The following TMEM117 variants were observed in gnomAD, a reference collection of about 807,000 sequenced individuals.
TMEM117 encodes transmembrane protein 117.
TMEM117 carries 27 observed loss-of-function variants against 52.4 expected under a neutral mutation model. That is an observed-to-expected ratio of 0.51 (90% confidence interval 0.38 to 0.71). The LOEUF (loss-of-function observed/expected upper bound fraction) is 0.71, where lower values mean the gene tolerates loss of function less well. TMEM117 is among the 30% of genes least tolerant of loss of function. TMEM117 has a pLI of 0.00. For synonymous variants in TMEM117, 215 were observed against 206.3 expected (o/e 1.04, Z -0.36); for missense variants, 556 against 630.5 (o/e 0.88, Z 1.26).
chr12:44,378,728 A>G (rs1592729895), intron 7 of TMEM117, among the ~76,000 whole-genome samples: 2 of 152,302 alleles, frequency 1.3e-5, no homozygotes, highest in African/African-American at 2.4e-5. Flanking sequence ...CTGATGGCCA[A>G]GTCATCAGGG....
At chr12:44,143,733 T>A (rs573366122) in intron 4 of TMEM117, 109 bp downstream of exon 4, 1 of 702,348 alleles carries the variant, frequency 1.4e-6, no homozygotes, top group South Asian at 2.0e-5. Flanking sequence ...TACCTCTCTT[T>A]GAGTGAAACA....
At chr12:43,805,458 T>G in the TMEM117 span, 4 of 441,648 alleles carry the variant, frequency 9.1e-6, no homozygotes, top group African/African-American at 2.0e-5. Flanking sequence ...GAGTTTACAC[T>G]AGAACTCGTT....
chr12:43,867,799 T>G (rs1330832237), intron 2 of TMEM117, among the ~76,000 whole-genome samples: 1 of 152,112 alleles, frequency 6.6e-6, no homozygotes, highest in Non-Finnish European at 1.5e-5. Flanking sequence ...ATACTAAAAC[T>G]AACAGAGCAA....
At chr12:44,164,083 G>A (rs1185974552) in intron 4 of TMEM117, among the ~76,000 whole-genome samples, 1 of 152,014 alleles carries the variant, frequency 6.6e-6, no homozygotes, top group Non-Finnish European at 1.5e-5. Flanking sequence ...CATCCCCAGT[G>A]GTCTTGGAAT....
In TMEM117 at chr12:43,880,703, T is replaced by TAA. The variant is rs566399315; in HGVS notation, c.277+35776_277+35777insAA. 9.9e-4 allele frequency among the ~76,000 whole-genome samples: 151 copies of TAA among 152,330 alleles called. 3 individuals are homozygous for TAA. The highest frequency in any genetic ancestry group is 3.4e-3 in the African/African-American group (141 of 41,564). On this transcript the variant is annotated intron_variant, in intron 2 of 7. Coordinates refer to ENST00000266534, the MANE Select transcript of TMEM117 (RefSeq NM_032256.3). Reference sequence around the variant, plus strand: ...GTGGTGTGACCTCTTGCTGCTGCAGTATTTCAAAGTGATTGTATTTCACTG... The same window carrying TAA: ...GTGGTGTGACCTCTTGCTGCTGCAGTAAATTTCAAAGTGATTGTATTTCACTG...
intron 5 of TMEM117, among the ~76,000 whole-genome samples, chr12:44,270,162 A>G (rs927776961): frequency 2.8e-4 from 42 of 152,260 alleles, no homozygotes; most frequent in African/African-American, 9.1e-4. Context: ...TGTTGGAGTC[A>G]TAGAGATTAG....
intron 2 of TMEM117, among the ~76,000 whole-genome samples, chr12:43,924,792 C>A (rs1592367825): frequency 6.6e-6 from 1 of 152,114 alleles, no homozygotes; most frequent in African/African-American, 2.4e-5. Flanking sequence ...CAAACACATC[C>A]AAAACTCAGT....
intron 5 of TMEM117, among the ~76,000 whole-genome samples, chr12:44,289,809 A>G (rs1950683010): frequency 6.6e-6 from 1 of 152,058 alleles, no homozygotes; most frequent in South Asian, 2.1e-4. Context: ...CAGCTTCCCA[A>G]AGTGCTGGGA....
chr12:43,937,489 T>C (rs1048662742), intron 2 of TMEM117, among the ~76,000 whole-genome samples: 3 of 152,138 alleles, frequency 2.0e-5, no homozygotes, highest in Admixed American at 6.5e-5. Flanking sequence ...GCTGGGGATG[T>C]GTAAGACAAA....
At position 44,190,383 on chromosome 12, in the gene TMEM117, G is replaced by T. The variant is rs1265736133; in HGVS notation, c.511-20907G>T. ...ATAGCAAATCATCTGTAGAAATTTA[G>T]AAAAAATACAGAGTTCTGGGTTCTA... On this transcript the variant is annotated intron_variant, in intron 4 of 7. Coordinates refer to ENST00000266534, the MANE Select transcript of TMEM117 (RefSeq NM_032256.3). Among the ~76,000 whole-genome samples the T allele has an allele frequency of 3.9e-5, 6 of 152,118 alleles. No homozygotes were observed. The East Asian group carries it at 1.2e-3, about 29-fold the overall frequency.
chr12:44,232,944 A>G (rs919281507), intron 5 of TMEM117, among the ~76,000 whole-genome samples: 2 of 151,288 alleles, frequency 1.3e-5, no homozygotes, highest in Non-Finnish European at 3.0e-5. Context: ...ACTTTTGTAC[A>G]TAAGAATCCA....
At chr12:44,344,801 T>G (rs951156797) in intron 6 of TMEM117, among the ~76,000 whole-genome samples, 2 of 152,072 alleles carry the variant, frequency 1.3e-5, no homozygotes, top group Admixed American at 1.3e-4. Flanking sequence ...GCTCCTCTCC[T>G]TTTCTACTCA....
At chr12:44,337,511 A>G (rs1344973121) in intron 6 of TMEM117, among the ~76,000 whole-genome samples, 1 of 151,986 alleles carries the variant, frequency 6.6e-6, no homozygotes, top group Non-Finnish European at 1.5e-5. Context: ...TGTGGAGAGA[A>G]AGAGATCTCA....
At chr12:44,037,788 C>T (rs1217064891) in intron 3 of TMEM117, among the ~76,000 whole-genome samples, 1 of 151,992 alleles carries the variant, frequency 6.6e-6, no homozygotes, top group African/African-American at 2.4e-5. Context: ...CTCTTCTCTG[C>T]TGAGATTTGG....
At chr12:44,351,413 T>C (rs1951560314) in intron 6 of TMEM117, among the ~76,000 whole-genome samples, 1 of 151,996 alleles carries the variant, frequency 6.6e-6, no homozygotes, top group African/African-American at 2.4e-5. Context: ...TGCAGGGTAT[T>C]GCTCAAGAAA....
rs1170834286 is a variant in TMEM117, at chr12:44,311,787, GTATATATA to G, written c.768+12050_768+12057del. Among the ~76,000 whole-genome samples the G allele has an allele frequency of 2.0e-3, 38 of 19,432 alleles. 1 individual carries two copies. Among genetic ancestry groups the G allele is most frequent in the Admixed American group, 4.3e-3 (6 of 1,396 alleles). 12.7% of individuals were successfully genotyped at this position (19,432 alleles called of 152,430 possible). Reference sequence around the variant, plus strand: ...TATATATGTATATATGTGTATATATGTATATATATGTATATATGTATATATGTATATAT... The same window carrying G: ...TATATATGTATATATGTGTATATATGTGTATATATGTATATATGTATATAT... On this transcript the variant is annotated intron_variant, in intron 6 of 7. Transcript: ENST00000266534.
At chr12:44,094,728 A>G (rs1415990643) in intron 3 of TMEM117, among the ~76,000 whole-genome samples, 1 of 152,124 alleles carries the variant, frequency 6.6e-6, no homozygotes, top group African/African-American at 2.4e-5. Context: ...GATATTTCTA[A>G]AAATTCACTC....
At chr12:44,276,209 C>T (rs989301029) in intron 5 of TMEM117, among the ~76,000 whole-genome samples, 2 of 152,100 alleles carry the variant, frequency 1.3e-5, no homozygotes, top group Non-Finnish European at 2.9e-5. Context: ...CAGTAGTGCT[C>T]ATTACTCACA....
chr12:44,317,789 C>A (rs1389773977), intron 6 of TMEM117, among the ~76,000 whole-genome samples: 2 of 152,142 alleles, frequency 1.3e-5, no homozygotes, highest in Non-Finnish European at 1.5e-5. Context: ...ATATTTCAAC[C>A]TTGTTTACTG....
Sources: gnomAD v4.1 joint callset for allele counts (sites outside exome capture counted in the v4.1 genomes callset) on GRCh38, gnomAD v4.1.1 for gene constraint, MANE v1.5 for transcripts, NCBI Gene and HGNC (gene_info 2026-07-23, HGNC 2026-07-21) for gene names.